PSMD2: variants seen among roughly 807,000 people sequenced by gnomAD.
PSMD2 encodes the protein 26S proteasome non-ATPase regulatory subunit 2.
In PSMD2, 8 loss-of-function variants were observed where a neutral mutation model predicts 101.5. The ratio of observed to expected loss-of-function variants is 0.08; its 90% CI spans 0.05 to 0.14. The LOEUF (loss-of-function observed/expected upper bound fraction) is 0.14. Among genes scored for constraint, PSMD2 ranks in the 10% least tolerant of loss-of-function variants. The probability of loss-of-function intolerance (pLI) is 1.00; values close to 1 mark genes in which losing one functional copy is unlikely to be tolerated. For missense variants in PSMD2, 784 were observed against 1,147.4 expected, an observed-to-expected ratio of 0.68 and a Z score of 4.58; for synonymous variants, 418 against 433.8, an observed-to-expected ratio of 0.96 and a Z score of 0.45.
chr3:184,308,043 C>T lies in PSMD2; in HGVS notation c.2425+27C>T. On this transcript the variant is annotated intron_variant, in intron 19 of 20. Transcript: ENST00000310118. The surrounding 1 kb of genome is among the most constrained non-coding windows in gnomAD (Gnocchi z 6.0). ...TGAGTTCCTGTCAGAAATTTTATATCATAGCATGCAGGGCTCTGACTCCAC... is the reference window on the plus strand; with the variant it reads ...TGAGTTCCTGTCAGAAATTTTATATTATAGCATGCAGGGCTCTGACTCCAC... 2.5e-6 allele frequency: 4 copies of T among 1,612,570 alleles called. No homozygotes were observed. The South Asian group carries it at 3.3e-5, about 13-fold the overall frequency.
In PSMD2 at chr3:184,303,001, G is replaced by A. The variant is rs1371636105; in HGVS notation, c.1009-1G>A. 1 of 1,613,962 alleles carries A rather than the reference G, an allele frequency of 6.2e-7. No homozygotes were observed. The highest frequency in any genetic ancestry group is 8.5e-7 in the Non-Finnish European group (1 of 1,180,028). On this transcript the variant is annotated splice_acceptor_variant, in intron 7 of 20. Transcript: ENST00000310118. LOFTEE classifies it high-confidence loss of function. ...ATTGTGACCCTCTGACTTCTCTTCA[G>A]CTGGACATCATGGAGCCCAAGGTGC...
In PSMD2 at chr3:184,304,037, C is replaced by T. The variant is rs978904012; in HGVS notation, c.1414C>T (p.His472Tyr). 5 of 1,614,074 alleles carry T rather than the reference C, an allele frequency of 3.1e-6. No homozygotes were observed. Among genetic ancestry groups the T allele is most frequent in the Non-Finnish European group, 4.2e-6 (5 of 1,180,028 alleles). The change falls in exon 11 of 21, where the codon CAC (histidine) becomes TAC (tyrosine). Residue 472 changes from histidine to tyrosine, a missense_variant. His to Tyr is a moderately conservative substitution (Grantham distance 83, BLOSUM62 2). Coordinates refer to ENST00000310118, the MANE Select transcript of PSMD2 (RefSeq NM_002808.5). This position sits in a 1 kb window ranked among gnomAD's most constrained non-coding sequence, Gnocchi z 4.1. Reference protein sequence around the residue: ...ALALLSDYVLHNSNTMRLGSI... With the variant: ...ALALLSDYVLYNSNTMRLGSI... ...GGCACTGCTCTCAGACTATGTTCTC[C>T]ACAACAGCAACACCATGAGACTTGG...
chr3:184,299,711 C>G (rs1426072261), intron 1 of PSMD2, 140 bp from the exon 2 acceptor site: 4 of 727,492 alleles, frequency 5.5e-6, no homozygotes, highest in African/African-American at 5.3e-5. Context: ...CTCACCAGGG[C>G]TTCCCATTCC....
chr3:184,301,672 T>C lies in PSMD2; in HGVS notation c.479+14T>C. ...TGAGTATGTCAGGTAAGATCTTTCT[T>C]CTTGGGAATCCGAAGGGGGCTCTGA... is the stretch of plus-strand genomic sequence containing the variant. On this transcript the variant is annotated intron_variant, in intron 4 of 20. Transcript: ENST00000310118. 2 of 1,613,984 alleles carry C rather than the reference T, an allele frequency of 1.2e-6. No homozygotes were observed. The highest frequency in any genetic ancestry group is 1.7e-6 in the Non-Finnish European group (2 of 1,179,858).
In PSMD2 at chr3:184,308,513, G is replaced by A. The variant is rs1216741291; in HGVS notation, c.2490G>A (p.Leu830=). The A allele has an allele frequency of 6.2e-7, 1 of 1,613,416 alleles. No individual in the cohort carries two copies. Among genetic ancestry groups the A allele is most frequent in the Non-Finnish European group, 8.5e-7 (1 of 1,179,994 alleles). The change falls in exon 20 of 21, where the codon CTG becomes CTA. Residue 830 remains leucine, a synonymous_variant. Transcript: ENST00000310118. This position sits in a 1 kb window ranked among gnomAD's most constrained non-coding sequence, Gnocchi z 6.0. ...GLVAAMQPRM[L]VTFDEELRPL... ...TGGCTGCCATGCAGCCCCGAATGCTGGTTACGTTTGATGAGGAGCTGCGGC... is the reference window on the plus strand; with the variant it reads ...TGGCTGCCATGCAGCCCCGAATGCTAGTTACGTTTGATGAGGAGCTGCGGC...
At position 184,299,417 on chromosome 3, in the gene PSMD2, G is replaced by A; in HGVS notation, c.135+16G>A. 1 of 1,343,764 alleles carries A rather than the reference G, an allele frequency of 7.4e-7. No individual in the cohort carries two copies. Among genetic ancestry groups the A allele is most frequent in the Non-Finnish European group, 9.5e-7 (1 of 1,047,834 alleles). The allele number at this position is 1,343,764 out of a possible 1,614,324, so 83.2% of individuals were successfully genotyped here. Reference sequence around the variant, plus strand: ...ACAGGAGCTGGTGAGGCGCGACCCCGAGAGTCGGCGAAGGAGGCTGCGGGG... The same window carrying A: ...ACAGGAGCTGGTGAGGCGCGACCCCAAGAGTCGGCGAAGGAGGCTGCGGGG... On this transcript the variant is annotated intron_variant, in intron 1 of 20. Coordinates refer to ENST00000310118, the MANE Select transcript of PSMD2 (RefSeq NM_002808.5).
intron 14 of PSMD2, 69 bp downstream of exon 14, chr3:184,306,224 T>C: frequency 6.3e-7 from 1 of 1,598,062 alleles, no homozygotes; most frequent in Non-Finnish European, 8.6e-7. Context: ...GTCCTTATTT[T>C]CAGGTTGTTT....
At position 184,308,477 on chromosome 3, in the gene PSMD2, G is replaced by A; in HGVS notation, c.2454G>A (p.Leu818=). 1.2e-6 allele frequency: 2 copies of A among 1,612,104 alleles called. No individual in the cohort carries two copies. The highest frequency in any genetic ancestry group is 1.7e-6 in the Non-Finnish European group (2 of 1,179,726). ...NIILGKSHYV[L]YGLVAAMQPR... is the part of the protein sequence containing the mutation. The stretch of plus-strand genomic sequence containing the variant: ...TTCTAGGCAAATCACACTATGTATT[G>A]TATGGGCTGGTGGCTGCCATGCAGC... The change falls in exon 20 of 21, where the codon TTG becomes TTA. Residue 818 remains leucine (L), a synonymous_variant. Transcript: ENST00000310118. This position sits in a 1 kb window ranked among gnomAD's most constrained non-coding sequence, Gnocchi z 6.0.
At chr3:184,303,283 C>T in intron 8 of PSMD2, 37 bp from the exon 9 acceptor site, 1 of 1,599,376 alleles carries the variant, frequency 6.3e-7, no homozygotes, top group Non-Finnish European at 8.5e-7. Context: ...CTACCTGAAA[C>T]CTTCTTTCCT....
intron 16 of PSMD2, 38 bp downstream of exon 16, chr3:184,306,872 T>G: frequency 6.4e-7 from 1 of 1,558,308 alleles, no homozygotes; most frequent in Non-Finnish European, 8.8e-7. Context: ...TATACTGGTT[T>G]TGATGGCCTG....
intron 15 of PSMD2, 123 bp from the exon 16 acceptor site, chr3:184,306,628 T>G (rs1414832136): frequency 6.6e-7 from 1 of 1,525,364 alleles, no homozygotes; most frequent in Non-Finnish European, 8.9e-7. Context: ...GACTGGGTTC[T>G]GTATGTAAGG....
intron 10 of PSMD2, 67 bp downstream of exon 10, chr3:184,303,816 C>T (rs1721732472): frequency 9.4e-6 from 15 of 1,601,790 alleles, no homozygotes; most frequent in Admixed American, 1.7e-5. Context: ...AGCAGTGCCT[C>T]TCTTTCACTG....
intron 14 of PSMD2, 46 bp from the exon 15 acceptor site, chr3:184,306,304 G>GGTAACTTCTCATTTCTGTCCA: frequency 6.2e-7 from 1 of 1,601,524 alleles, no homozygotes; most frequent in African/African-American, 1.3e-5. Flanking sequence ...GCTTTTCCTT[G>GGTAACTTCTCATTTCTGTCCA]GTAACTTCTC....
chr3:184,308,686 T>G lies in PSMD2; in HGVS notation c.2545-22T>G. On this transcript the variant is annotated intron_variant, in intron 20 of 20. Coordinates refer to ENST00000310118, the MANE Select transcript of PSMD2 (RefSeq NM_002808.5). This position sits in a 1 kb window ranked among gnomAD's most constrained non-coding sequence, Gnocchi z 6.0. Reference sequence around the variant, plus strand: ...CTTGTCGCTACTTTTCCATCTCTCTTTTCAATTTTCTTACCCTACAGGCAG... The same window carrying G: ...CTTGTCGCTACTTTTCCATCTCTCTGTTCAATTTTCTTACCCTACAGGCAG... 1 of 1,604,578 alleles carries G rather than the reference T, an allele frequency of 6.2e-7. No homozygotes were observed. The highest frequency in any genetic ancestry group is 8.5e-7 in the Non-Finnish European group (1 of 1,172,884).
Position 184,299,615 on chromosome 3 carries a change from G to T in PSMD2, c.135+214G>T, listed in dbSNP as rs1447437610. 22 of 707,636 alleles carry T rather than the reference G, an allele frequency of 3.1e-5. No individual in the cohort carries two copies. The South Asian group carries it at 5.2e-4, about 17-fold the overall frequency. The allele number at this position is 707,636 out of a possible 1,614,324, so 43.8% of individuals were successfully genotyped here. On this transcript the variant is annotated intron_variant, in intron 1 of 20. Coordinates refer to ENST00000310118, the MANE Select transcript of PSMD2 (RefSeq NM_002808.5). Reference sequence around the variant, plus strand: ...CCCCACCAACCCTCACCACCGCCGCGTGAAGTGGACTCGGGCAGGTCATTG... The same window carrying T: ...CCCCACCAACCCTCACCACCGCCGCTTGAAGTGGACTCGGGCAGGTCATTG...
chr3:184,304,390 A>G lies in PSMD2; in HGVS notation c.1538A>G (p.Glu513Gly). The G allele has an allele frequency of 6.2e-7, 1 of 1,613,384 alleles. No homozygotes were observed. Residue 513 changes from glutamate (E) to glycine (G), a missense_variant and splice_region_variant, in exon 12 of 21, where the codon GAG (glutamate) becomes GGG (glycine). This residue lies in a region of PSMD2 where 282 missense variants were observed against 437.6 expected (regional missense o/e 0.64). Coordinates refer to ENST00000310118, the MANE Select transcript of PSMD2 (RefSeq NM_002808.5). The surrounding 1 kb of genome is among the most constrained non-coding windows in gnomAD (Gnocchi z 4.1). The stretch of plus-strand genomic sequence containing the variant: ...ATGGGAGATTCAAAGTCCAGCATGG[A>G]GGTGAGTAGAGGCTATTGAGCATTT... ...PVMGDSKSSM[E>G]VAGVTALACG...
In PSMD2 at chr3:184,303,744, A is replaced by C. The variant is rs1397999309; in HGVS notation, c.1318A>C (p.Ile440Leu). 1 of 1,614,152 alleles carries C rather than the reference A, an allele frequency of 6.2e-7. No homozygotes were observed. The highest frequency in any genetic ancestry group is 1.7e-5 in the Admixed American group (1 of 60,028). Residue 440 changes from isoleucine to leucine, a missense_variant, in exon 10 of 21, where the codon ATT (isoleucine) becomes CTT (leucine). By Grantham distance (5) the Ile-to-Leu change is conservative. This residue lies in a region of PSMD2 where 37 missense variants were observed against 107.0 expected (regional missense o/e 0.35). Coordinates refer to ENST00000310118, the MANE Select transcript of PSMD2 (RefSeq NM_002808.5). ...DKYLYSSEDYIKSGALLACGI... is the reference protein window; with the variant it reads ...DKYLYSSEDYLKSGALLACGI... ...GTACCTGTACTCCTCTGAGGACTAC[A>C]TTAAGGTTGGTCTGCATACAGCCTG...
At chr3:184,299,783 C>T (rs1262534913) in intron 1 of PSMD2, 68 bp from the exon 2 acceptor site, 3 of 1,335,594 alleles carry the variant, frequency 2.2e-6, no homozygotes, top group Non-Finnish European at 3.2e-6. Flanking sequence ...TCACCTGCCC[C>T]GGGTAAGTGG....
At chr3:184,303,196 G>T (rs577336962) in intron 8 of PSMD2, 124 bp from the exon 9 acceptor site, 426 of 1,492,678 alleles carry the variant, frequency 2.9e-4, no homozygotes, top group Non-Finnish European at 3.5e-4. Flanking sequence ...TCACTGCTTG[G>T]GGGGGTATAG....
Sources: gnomAD v4.1 joint callset for allele counts on GRCh38, gnomAD v4.1.1 for gene constraint, gnomAD v4.1.1 regional missense constraint, Gnocchi (gnomAD v3.1) non-coding constraint, MANE v1.5 for transcripts, NCBI Gene and HGNC (gene_info 2026-07-23, HGNC 2026-07-21) for gene names.